CCDC102B: variants seen among roughly 807,000 people sequenced by gnomAD.
The protein encoded by CCDC102B is coiled-coil domain containing 102B.
Under a neutral mutation model 57.4 loss-of-function variants are expected in CCDC102B, and 75 were observed. The observed-to-expected ratio is 1.31, with a 90% CI of 1.08 to 1.58. CCDC102B has a LOEUF of 1.58. Among genes scored for constraint, CCDC102B ranks in the 40% most tolerant of loss-of-function variants. The pLI is 0.00. For missense variants in CCDC102B, 636 were observed against 582.6 expected (o/e 1.09, Z -0.94); for synonymous variants, 206 against 201.9 (o/e 1.02, Z -0.17).
intron 6 of CCDC102B, among the ~76,000 whole-genome samples, chr18:68,913,604 G>A (rs1416693371): frequency 2.0e-5 from 3 of 150,820 alleles, no homozygotes; most frequent in Non-Finnish European, 4.4e-5. Context: ...GCAGTGAGCC[G>A]AGCTGGTGCT....
At chr18:69,021,747 C>T (rs767573494) in intron 7 of CCDC102B, among the ~76,000 whole-genome samples, 13 of 152,146 alleles carry the variant, frequency 8.5e-5, no homozygotes, top group African/African-American at 1.2e-4. Context: ...TGGGCAAGGA[C>T]GGTAGCAGCC....
chr18:69,010,635 A>G (rs1322236067), intron 6 of CCDC102B, among the ~76,000 whole-genome samples: 1 of 152,166 alleles, frequency 6.6e-6, no homozygotes, highest in Non-Finnish European at 1.5e-5. Context: ...TATTTTATTT[A>G]TGGTTATGTG....
chr18:68,985,032 G>A (rs1250685068), intron 6 of CCDC102B, among the ~76,000 whole-genome samples: 1 of 152,028 alleles, frequency 6.6e-6, no homozygotes, highest in Non-Finnish European at 1.5e-5. Flanking sequence ...TTAGCTTTGT[G>A]GTTCTATAGC....
At chr18:69,006,397 AT>A (rs1364696477) in intron 6 of CCDC102B, among the ~76,000 whole-genome samples, 1 of 3,084 alleles carries the variant, frequency 3.2e-4, no homozygotes, top group East Asian at 0.016. Context: ...TTTGAGATTT[AT>A]TTATTTATTT....
At chr18:68,823,482 C>A (rs1442626298) in intron 1 of CCDC102B, 1 of 152,188 alleles carries the variant, frequency 6.6e-6, no homozygotes, top group Admixed American at 6.5e-5. Flanking sequence ...GATTCCATGT[C>A]TTTGCTATTG....
intron 2 of CCDC102B, among the ~76,000 whole-genome samples, chr18:68,743,513 C>T (rs1599397092): frequency 6.6e-6 from 1 of 152,180 alleles, no homozygotes; most frequent in African/African-American, 2.4e-5. Flanking sequence ...TCACAAAGCA[C>T]ATTAGTGTGT....
rs1053174782 is a variant in CCDC102B at position 68,877,653 on chromosome 18, A to C, written c.1053+2868A>C. 5.3e-5 allele frequency among the ~76,000 whole-genome samples: 8 copies of C among 152,328 alleles called. No homozygotes were observed. In the South Asian group the frequency reaches 8.3e-4, roughly 16 times the overall value. ...TAACACGGATTCTAATTTCCAGTGG[A>C]GAGAAATTTTCTGTTTTACATGGGA... is the stretch of plus-strand genomic sequence containing the variant. On this transcript the variant is annotated intron_variant, in intron 5 of 7. Transcript: ENST00000360242.
intron 4 of CCDC102B, among the ~76,000 whole-genome samples, chr18:68,869,096 A>C (rs118002169): frequency 0.01 from 1,588 of 152,228 alleles, 30 homozygotes; most frequent in East Asian, 0.075. Context: ...ACGAGAAGAA[A>C]AATGTAAGGG....
chr18:68,728,997 A>G (rs528165003), intron 2 of CCDC102B, among the ~76,000 whole-genome samples: 2 of 152,306 alleles, frequency 1.3e-5, no homozygotes, highest in African/African-American at 2.4e-5. Context: ...AGTTCATGCA[A>G]ATTATAAGCA....
intron 2 of CCDC102B, among the ~76,000 whole-genome samples, chr18:68,718,338 C>T (rs1044777942): frequency 7.2e-5 from 11 of 152,080 alleles, no homozygotes; most frequent in East Asian, 1.9e-4. Flanking sequence ...TATATAGCAA[C>T]GAGAATGAAT....
At chr18:69,001,345 C>T (rs1192932018) in intron 6 of CCDC102B, among the ~76,000 whole-genome samples, 3 of 151,958 alleles carry the variant, frequency 2.0e-5, no homozygotes, top group Non-Finnish European at 2.9e-5. Context: ...GCTGTTGTTT[C>T]TTTCTGTAAA....
intron 7 of CCDC102B, among the ~76,000 whole-genome samples, chr18:69,016,646 C>T (rs2051677048): frequency 1.3e-5 from 2 of 152,002 alleles, no homozygotes; most frequent in South Asian, 4.1e-4. Flanking sequence ...ATCACTATGA[C>T]CAGTTTTTAT....
intron 2 of CCDC102B, among the ~76,000 whole-genome samples, chr18:68,785,604 T>G (rs1017436058): frequency 6.6e-6 from 1 of 150,604 alleles, no homozygotes; most frequent in Non-Finnish European, 1.5e-5. Flanking sequence ...TTTCATGTGT[T>G]TTTTGGCTGC....
chr18:68,916,972 G>A (rs1173970813), intron 6 of CCDC102B, among the ~76,000 whole-genome samples: 2 of 152,138 alleles, frequency 1.3e-5, no homozygotes, highest in African/African-American at 4.8e-5. Context: ...GAGCACAGAG[G>A]TGCAGGCCCC....
chr18:68,841,081 G>A (rs922752778), intron 3 of CCDC102B, among the ~76,000 whole-genome samples: 9 of 152,154 alleles, frequency 5.9e-5, no homozygotes, highest in Non-Finnish European at 1.2e-4. Context: ...TCCGCATGAG[G>A]CAATCAGTCT....
chr18:68,934,359 A>C (rs2041776996), intron 6 of CCDC102B, among the ~76,000 whole-genome samples: 1 of 152,006 alleles, frequency 6.6e-6, no homozygotes, highest in Non-Finnish European at 1.5e-5. Context: ...TAAGAAGATA[A>C]ATCATCAATA....
chr18:68,957,795 T>A (rs1480830331), intron 6 of CCDC102B, among the ~76,000 whole-genome samples: 3 of 152,120 alleles, frequency 2.0e-5, no homozygotes, highest in Non-Finnish European at 4.4e-5. Context: ...TTCATCAGTG[T>A]TTTACAATTT....
chr18:68,821,382 A>G (rs1254615787), intron 1 of CCDC102B, among the ~76,000 whole-genome samples: 1 of 151,072 alleles, frequency 6.6e-6, no homozygotes, highest in Non-Finnish European at 1.5e-5. Flanking sequence ...AATTAATTTT[A>G]TAAATATAAT....
At chr18:68,831,865 C>CA (rs1346967207) in intron 1 of CCDC102B, among the ~76,000 whole-genome samples, 2 of 152,056 alleles carry the variant, frequency 1.3e-5, no homozygotes, top group Non-Finnish European at 2.9e-5. Context: ...TAGATCTATA[C>CA]AAAATGCATT....
Sources: gnomAD v4.1 joint callset for allele counts (sites outside exome capture counted in the v4.1 genomes callset) on GRCh38, gnomAD v4.1.1 for gene constraint, MANE v1.5 for transcripts, NCBI Gene and HGNC (gene_info 2026-07-23, HGNC 2026-07-21) for gene names.